LRP1B: variants seen among roughly 807,000 people sequenced by gnomAD.
LRP1B encodes LDL receptor related protein 1B.
In LRP1B, 217 loss-of-function variants were observed where a neutral mutation model predicts 556.6. That is an observed-to-expected ratio of 0.39 (90% CI 0.35 to 0.44). The LOEUF (loss-of-function observed/expected upper bound fraction) is 0.44, where lower values mean the gene tolerates loss of function less well. Ranked by LOEUF, LRP1B falls within the 20% of genes least tolerant of loss-of-function variation. The pLI, the probability that LRP1B is intolerant of heterozygous loss-of-function variation, is 1.00. For missense variants in LRP1B, 5,053 were observed against 5,620.8 expected, an observed-to-expected ratio of 0.90 and a Z score of 3.23; for synonymous variants, 2,047 against 1,865.8, an observed-to-expected ratio of 1.10 and a Z score of -2.50.
rs78743473 is a variant in LRP1B, at chr2:141,695,144, T to A, written c.205+115135A>T. On this transcript the variant is annotated intron_variant, in intron 2 of 90. Coordinates refer to ENST00000389484, the MANE Select transcript of LRP1B (RefSeq NM_018557.3). ...TGCCATTTATTTTTTCCCATACTTA[T>A]CTTTATTAACTATAATTGTCTACAG... Among the ~76,000 whole-genome samples, 569 of 152,120 alleles carry A rather than the reference T, an allele frequency of 3.7e-3. 8 individuals are homozygous for A. The highest frequency in any genetic ancestry group is 0.025 in the Admixed American group (385 of 15,260).
chr2:140,562,013 AT>A (rs1359417019), intron 43 of LRP1B, among the ~76,000 whole-genome samples: 1 of 152,128 alleles, frequency 6.6e-6, no homozygotes, highest in Non-Finnish European at 1.5e-5. Flanking sequence ...AAGAAAAAGC[AT>A]TTGACAAAAT....
At chr2:141,515,217 G>A (rs557031054) in intron 2 of LRP1B, among the ~76,000 whole-genome samples, 5 of 151,792 alleles carry the variant, frequency 3.3e-5, no homozygotes, top group South Asian at 2.1e-4. Context: ...CAGGAGAATC[G>A]CTTGAACCTG....
chr2:140,866,885 G>A (rs1170869145), intron 27 of LRP1B, among the ~76,000 whole-genome samples: 1 of 152,142 alleles, frequency 6.6e-6, no homozygotes, highest in East Asian at 1.9e-4. Flanking sequence ...CACTGAAAAA[G>A]AAAGAGAAGG....
In LRP1B at chr2:141,503,896, A is replaced by G. The variant is rs574649176; in HGVS notation, c.206-23363T>C. On this transcript the variant is annotated intron_variant, in intron 2 of 90. Coordinates refer to ENST00000389484, the MANE Select transcript of LRP1B (RefSeq NM_018557.3). ...TAAACACAACAGAGCACTCCTTAAT[A>G]TATTTAAGCATTCAGGCAGATCTTA... Among the ~76,000 whole-genome samples the G allele has an allele frequency of 5.3e-5, 8 of 152,302 alleles. No individual in the cohort carries two copies. The South Asian group carries it at 1.0e-3, about 20-fold the overall frequency.
At chr2:140,357,899 A>C (rs912749330) in intron 74 of LRP1B, 80 bp downstream of exon 74, 74 of 1,505,528 alleles carry the variant, frequency 4.9e-5, no homozygotes, top group Non-Finnish European at 6.2e-5. Flanking sequence ...CAATATTTCC[A>C]TCCAGAACAT....
intron 66 of LRP1B, among the ~76,000 whole-genome samples, chr2:140,387,588 T>TCG (rs1558847120): frequency 6.6e-6 from 1 of 151,792 alleles, no homozygotes; most frequent in Non-Finnish European, 1.5e-5. Flanking sequence ...TTTTTTTTTT[T>TCG]AAGTATTGCC....
intron 32 of LRP1B, among the ~76,000 whole-genome samples, chr2:140,789,661 C>G (rs1241881941): frequency 4.5e-5 from 5 of 110,888 alleles, no homozygotes; most frequent in African/African-American, 1.7e-4. Flanking sequence ...GACGGAGTCT[C>G]GCTCTGTCGC....
intron 43 of LRP1B, among the ~76,000 whole-genome samples, chr2:140,580,283 G>T (rs183660372): frequency 6.6e-6 from 1 of 152,062 alleles, no homozygotes; most frequent in Non-Finnish European, 1.5e-5. Context: ...TATTGGGGAG[G>T]GTCAAAAGAA....
At chr2:141,583,066 GA>G in intron 2 of LRP1B, among the ~76,000 whole-genome samples, 1 of 152,064 alleles carries the variant, frequency 6.6e-6, no homozygotes, top group East Asian at 1.9e-4. Context: ...TGGATTGCCT[GA>G]CCTCGTGATC....
intron 1 of LRP1B, among the ~76,000 whole-genome samples, chr2:141,811,407 C>T (rs1461765255): frequency 6.6e-6 from 1 of 151,334 alleles, no homozygotes; most frequent in Non-Finnish European, 1.5e-5. Context: ...AAGCATTAGG[C>T]CATAACTTAA....
At chr2:141,144,970 G>A (rs1701744924) in intron 7 of LRP1B, among the ~76,000 whole-genome samples, 1 of 152,122 alleles carries the variant, frequency 6.6e-6, no homozygotes, top group African/African-American at 2.4e-5. Context: ...TCTTTTTGTT[G>A]ACTAATATCT....
intron 35 of LRP1B, among the ~76,000 whole-genome samples, chr2:140,737,907 A>T (rs1688001730): frequency 6.6e-6 from 1 of 152,190 alleles, no homozygotes; most frequent in Admixed American, 6.5e-5. Flanking sequence ...GCTAGAGCAG[A>T]TTAATAAAGC....
At chr2:141,501,025 C>G (rs1683692815) in intron 2 of LRP1B, among the ~76,000 whole-genome samples, 1 of 152,022 alleles carries the variant, frequency 6.6e-6, no homozygotes, top group Non-Finnish European at 1.5e-5. Context: ...ATCATTCACT[C>G]TAAAGCAGAC....
intron 3 of LRP1B, among the ~76,000 whole-genome samples, chr2:141,432,340 C>T (rs1029901322): frequency 6.6e-6 from 1 of 151,980 alleles, no homozygotes; most frequent in African/African-American, 2.4e-5. Context: ...CTTTGGTTTG[C>T]TAGTATTTTG....
intron 41 of LRP1B, among the ~76,000 whole-genome samples, chr2:140,694,310 T>C (rs1686350527): frequency 6.6e-6 from 1 of 152,226 alleles, no homozygotes; most frequent in Admixed American, 6.5e-5. Context: ...AGATATATTG[T>C]TACTGACTTT....
At chr2:140,284,555 C>G (rs1683048798) in intron 84 of LRP1B, among the ~76,000 whole-genome samples, 1 of 151,604 alleles carries the variant, frequency 6.6e-6, no homozygotes, top group Non-Finnish European at 1.5e-5. Flanking sequence ...CACACCCATA[C>G]AGTTCCTAAT....
chr2:141,174,669 G>T (rs1322204472), intron 7 of LRP1B, among the ~76,000 whole-genome samples: 1 of 152,028 alleles, frequency 6.6e-6, no homozygotes, highest in Admixed American at 6.6e-5. Flanking sequence ...CCAGGCTTAG[G>T]TAGTTCCTCA....
chr2:140,533,576 TA>T (rs1455815134), intron 47 of LRP1B, among the ~76,000 whole-genome samples: 2 of 152,118 alleles, frequency 1.3e-5, no homozygotes, highest in African/African-American at 4.8e-5. Context: ...AAATGGAAGA[TA>T]TTTCAAAGAA....
chr2:140,736,678 T>C (rs1375744168), intron 35 of LRP1B, among the ~76,000 whole-genome samples: 1 of 152,216 alleles, frequency 6.6e-6, no homozygotes, highest in East Asian at 1.9e-4. Context: ...TAGCCATATG[T>C]AGAAAGCCTT....
Sources: gnomAD v4.1 joint callset for allele counts (sites outside exome capture counted in the v4.1 genomes callset) on GRCh38, gnomAD v4.1.1 for gene constraint, MANE v1.5 for transcripts, NCBI Gene and HGNC (gene_info 2026-07-23, HGNC 2026-07-21) for gene names.